The following CAB39L variants were observed in gnomAD, a reference collection of about 807,000 sequenced individuals.
The protein encoded by CAB39L is calcium binding protein 39 like, also known as calcium-binding protein 39-like.
CAB39L carries 23 observed loss-of-function variants against 39.1 expected under a neutral mutation model. That is an observed-to-expected ratio of 0.59 (90% CI 0.42 to 0.83). CAB39L has a LOEUF of 0.83. Among genes scored for constraint, CAB39L ranks in the 40% least tolerant of loss-of-function variants. CAB39L has a pLI of 0.00. For missense variants in CAB39L, 366 were observed against 391.9 expected, an observed-to-expected ratio of 0.93 and a Z score of 0.56; for synonymous variants, 126 against 137.2, an observed-to-expected ratio of 0.92 and a Z score of 0.57.
At position 49,309,430 on chromosome 13, in the gene CAB39L, C is replaced by A. The variant is rs1953926921; in HGVS notation, c.*1384G>T. On this transcript the variant is annotated 3_prime_UTR_variant, in exon 11 of 11. Coordinates refer to ENST00000409308, the MANE Select transcript of CAB39L (RefSeq NM_001079670.3). ...CCTCTCTAGGCAGAGAAATACCTGG[C>A]TGAAGAAAAACTACACAACACTCAA... 1 of 152,172 alleles carries A rather than the reference C, an allele frequency of 6.6e-6. No individual in the cohort carries two copies. Among genetic ancestry groups the A allele is most frequent in the South Asian group, 2.1e-4 (1 of 4,838 alleles). The allele number at this position is 152,172 out of a possible 1,614,324, so 9.4% of individuals were successfully genotyped here. A position where few individuals can be genotyped will look rare whatever the true frequency, so the allele number is the denominator to read the frequency against.
chr13:49,345,832 C>T (rs1280259944), intron 7 of CAB39L, among the ~76,000 whole-genome samples: 3 of 151,938 alleles, frequency 2.0e-5, no homozygotes, highest in Non-Finnish European at 2.9e-5. Flanking sequence ...GTTCCCCACA[C>T]TGCAGGCCCA....
intron 3 of CAB39L, among the ~76,000 whole-genome samples, chr13:49,419,438 TGTG>T (rs1373750174): frequency 2.0e-5 from 3 of 152,014 alleles, no homozygotes; most frequent in African/African-American, 4.8e-5. Context: ...ATTAGCCACA[TGTG>T]GTGGCATATG....
intron 9 of CAB39L, among the ~76,000 whole-genome samples, chr13:49,336,493 G>T (rs1593934850): frequency 6.6e-6 from 1 of 152,320 alleles, no homozygotes; most frequent in Non-Finnish European, 1.5e-5. Flanking sequence ...GATGCCTCGT[G>T]AATAGGCTAA....
intron 10 of CAB39L, among the ~76,000 whole-genome samples, chr13:49,329,138 C>T (rs1479742494): frequency 6.6e-6 from 1 of 152,094 alleles, no homozygotes; most frequent in Non-Finnish European, 1.5e-5. Flanking sequence ...GGGCCCTCTA[C>T]TCTGTTTTGC....
At chr13:49,425,832 T>C (rs891890066) in intron 3 of CAB39L, among the ~76,000 whole-genome samples, 4 of 152,210 alleles carry the variant, frequency 2.6e-5, no homozygotes, top group African/African-American at 9.7e-5. Flanking sequence ...GAAATGATTC[T>C]CCATGGCTCT....
intron 3 of CAB39L, among the ~76,000 whole-genome samples, chr13:49,425,588 G>T (rs1281558818): frequency 6.6e-6 from 1 of 152,136 alleles, no homozygotes; most frequent in Non-Finnish European, 1.5e-5. Flanking sequence ...CAGGCACAAA[G>T]CTAAAAATAT....
chr13:49,332,053 G>C lies in CAB39L; in HGVS notation c.728C>G (p.Ala243Gly), dbSNP rs1216959963. 6.2e-7 allele frequency: 1 copy of C among 1,614,042 alleles called. No homozygotes were observed. Residue 243 changes from alanine to glycine, a missense_variant, in exon 10 of 11, where the codon GCC becomes GGC. Coordinates refer to ENST00000409308, the MANE Select transcript of CAB39L (RefSeq NM_001079670.3). ...CTTGCTGATATACTTTGTCATGATG[G>C]CAAAGTTGTGACGGTCCAGGATCAG... The part of the protein sequence containing the change: ...GELILDRHNF[A>G]IMTKYISKPE...
intron 3 of CAB39L, among the ~76,000 whole-genome samples, chr13:49,391,615 T>C (rs1286447318): frequency 6.6e-6 from 1 of 152,178 alleles, no homozygotes; most frequent in Non-Finnish European, 1.5e-5. Context: ...TATGGGTTTG[T>C]CATGCCAAAC....
intron 3 of CAB39L, among the ~76,000 whole-genome samples, chr13:49,384,745 C>A (rs1373559145): frequency 6.6e-6 from 1 of 152,110 alleles, no homozygotes; most frequent in Non-Finnish European, 1.5e-5. Context: ...TCCTTGTAAA[C>A]CTCCATCAGA....
chr13:49,398,257 C>A (rs1356038605), intron 3 of CAB39L, among the ~76,000 whole-genome samples: 2 of 152,046 alleles, frequency 1.3e-5, no homozygotes, highest in African/African-American at 2.4e-5. Context: ...TATGTTATCT[C>A]ACTTATAAGC....
At chr13:49,417,513 C>T (rs1957104158) in intron 3 of CAB39L, among the ~76,000 whole-genome samples, 1 of 151,990 alleles carries the variant, frequency 6.6e-6, no homozygotes, top group Non-Finnish European at 1.5e-5. Flanking sequence ...CCAACATGTC[C>T]TGTAATGTAA....
chr13:49,393,707 G>A (rs146390004), intron 3 of CAB39L, among the ~76,000 whole-genome samples: 56 of 151,978 alleles, frequency 3.7e-4, no homozygotes, highest in African/African-American at 1.3e-3. Context: ...ACTCTATTTT[G>A]TTCTTGAATA....
Position 49,310,797 on chromosome 13 carries a change from A to G in CAB39L, c.*17T>C. On this transcript the variant is annotated 3_prime_UTR_variant, in exon 11 of 11. Transcript: ENST00000409308. ...GACAAATGAGACGACTGACTGTGAC[A>G]GGGGCCGGGGAGCTCTTCAAGGGGC... is the stretch of plus-strand genomic sequence containing the variant. The G allele has an allele frequency of 6.2e-7, 1 of 1,610,486 alleles. No individual in the cohort carries two copies. Among genetic ancestry groups the G allele is most frequent in the South Asian group, 1.1e-5 (1 of 90,852 alleles).
At chr13:49,347,010 A>G (rs1249865320) in intron 7 of CAB39L, among the ~76,000 whole-genome samples, 3 of 152,186 alleles carry the variant, frequency 2.0e-5, no homozygotes, top group Non-Finnish European at 4.4e-5. Flanking sequence ...AAAACCAAAA[A>G]GATTAGGAGG....
chr13:49,410,748 T>C (rs1164956971), intron 3 of CAB39L, among the ~76,000 whole-genome samples: 1 of 152,236 alleles, frequency 6.6e-6, no homozygotes, highest in Non-Finnish European at 1.5e-5. Flanking sequence ...AAGCCATTTA[T>C]GGCAAACAAA....
chr13:49,442,787 C>CA (rs71078844), intron 1 of CAB39L, among the ~76,000 whole-genome samples: 1,470 of 103,308 alleles, frequency 0.014, 88 homozygotes, highest in Non-Finnish European at 0.02. Context: ...GACTCCATCT[C>CA]AAAAAAAAAA....
At chr13:49,336,939 AC>A (rs1186602784) in intron 9 of CAB39L, among the ~76,000 whole-genome samples, 2 of 152,158 alleles carry the variant, frequency 1.3e-5, no homozygotes, top group African/African-American at 4.8e-5. Flanking sequence ...TGGTCTCATC[AC>A]TACTGGGCTT....
intron 3 of CAB39L, among the ~76,000 whole-genome samples, chr13:49,422,953 G>A (rs887559266): frequency 9.2e-5 from 14 of 152,064 alleles, no homozygotes; most frequent in Non-Finnish European, 5.9e-5. Context: ...TCATTTTTAA[G>A]AACACTAGAA....
intron 3 of CAB39L, among the ~76,000 whole-genome samples, chr13:49,400,467 CACACACACACAT>C (rs1261253358): frequency 3.1e-4 from 46 of 146,410 alleles, no homozygotes; most frequent in African/African-American, 1.1e-3. Flanking sequence ...CACACACACA[CACACACACACAT>C]GGTTATATTA....
Sources: allele counts gnomAD v4.1 joint callset (sites outside exome capture counted in the v4.1 genomes callset), GRCh38; gene constraint gnomAD v4.1.1; transcripts MANE v1.5; gene names NCBI Gene and HGNC (gene_info 2026-07-23, HGNC 2026-07-21).